Variants in LRPAP1 observed in about 807,000 individuals in gnomAD.
LRPAP1 encodes the protein LDL receptor related protein associated protein 1.
Under a neutral mutation model 39.9 loss-of-function variants are expected in LRPAP1, and 41 were observed. The ratio of observed to expected loss-of-function variants is 1.03; its 90% CI spans 0.80 to 1.33. The LOEUF (loss-of-function observed/expected upper bound fraction) is 1.33. LRPAP1 is among the 40% of genes most tolerant of loss of function. The probability of loss-of-function intolerance (pLI) is 0.00; values close to 1 mark genes in which losing one functional copy is unlikely to be tolerated. For synonymous variants in LRPAP1, 263 were observed against 212.7 expected, an observed-to-expected ratio of 1.24 and a Z score of -2.06; for missense variants, 565 against 482.3, an observed-to-expected ratio of 1.17 and a Z score of -1.61.
chr4:3,514,786 A>C lies in LRPAP1; in HGVS notation c.977T>G (p.Leu326Arg). 1.9e-6 allele frequency: 3 copies of C among 1,612,298 alleles called. No individual in the cohort carries two copies. In the South Asian group the frequency reaches 3.3e-5, roughly 18 times the overall value. Residue 326 changes from leucine to arginine, a missense_variant, in exon 7 of 8, where the codon CTG (leucine) becomes CGG (arginine). By Grantham distance (102) the Leu-to-Arg change is moderately radical (BLOSUM62 -2). Transcript: ENST00000650182. The part of the protein sequence containing the change: ...RVSRSREKHA[L>R]LEGRTKELGY... The stretch of plus-strand genomic sequence containing the variant: ...CAGCTCCTTGGTCCGCCCCTCCAGC[A>C]GGGCGTGCTTCTCGCGGCTGCGGCT...
chr4:3,514,784 G>C lies in LRPAP1; in HGVS notation c.979C>G (p.Leu327Val), dbSNP rs200159569. Residue 327 changes from leucine (L) to valine (V), a missense_variant, in exon 7 of 8, where the codon CTG becomes GTG. Physicochemically the swap from Leu to Val is conservative, Grantham distance 32. Coordinates refer to ENST00000650182, the MANE Select transcript of LRPAP1 (RefSeq NM_002337.4). ...VSRSREKHALLEGRTKELGYT... is the reference protein window; with the variant it reads ...VSRSREKHALVEGRTKELGYT... ...CCCAGCTCCTTGGTCCGCCCCTCCA[G>C]CAGGGCGTGCTTCTCGCGGCTGCGG... The C allele has an allele frequency of 8.8e-5, 142 of 1,611,866 alleles. No homozygotes were observed. The highest frequency in any genetic ancestry group is 1.1e-4 in the Non-Finnish European group (130 of 1,179,608).
chr4:3,517,900 T>C (rs1729769267), intron 5 of LRPAP1, 134 bp downstream of exon 5: 1 of 1,143,646 alleles, frequency 8.7e-7, no homozygotes, highest in African/African-American at 1.6e-5. Flanking sequence ...GTGGGTAGAC[T>C]GAGCGCGCCG....
At chr4:3,514,216 G>T (rs896167145) in intron 7 of LRPAP1, among the ~76,000 whole-genome samples, 1 of 152,202 alleles carries the variant, frequency 6.6e-6, no homozygotes, top group Admixed American at 6.5e-5. Flanking sequence ...TTTTGAATCG[G>T]TAACACATGC....
rs1373024457 is a variant in LRPAP1, at chr4:3,505,302, C to T, written c.*7672G>A. Among the ~76,000 whole-genome samples, 1 of 152,210 alleles carries T rather than the reference C, an allele frequency of 6.6e-6. No homozygotes were observed. The highest frequency in any genetic ancestry group is 1.5e-5 in the Non-Finnish European group (1 of 68,018). ...GGCATGGCACCCGGAGCACTGGAGC[C>T]CAATGCAGGGTGACCCCTTCCCCCC... On this transcript the variant is annotated 3_prime_UTR_variant, in exon 8 of 8. Coordinates refer to ENST00000650182, the MANE Select transcript of LRPAP1 (RefSeq NM_002337.4).
At position 3,512,236 on chromosome 4, in the gene LRPAP1, G is replaced by C. The variant is rs1412971484; in HGVS notation, c.*738C>G. The C allele has an allele frequency of 6.6e-6, 1 of 152,394 alleles. No individual in the cohort carries two copies. The highest frequency in any genetic ancestry group is 1.5e-5 in the Non-Finnish European group (1 of 68,148). 9.4% of individuals were successfully genotyped at this position (152,394 alleles called of 1,614,324 possible). On this transcript the variant is annotated 3_prime_UTR_variant, in exon 8 of 8. Transcript: ENST00000650182. The stretch of plus-strand genomic sequence containing the variant: ...TGGCTGTCTCTCCCCCATGAGATGG[G>C]GCATTTACACAGCACACTTAGGGAC...
chr4:3,515,003 C>T (rs1251703905), intron 6 of LRPAP1, 75 bp from the exon 7 acceptor site: 3 of 1,528,254 alleles, frequency 2.0e-6, no homozygotes, highest in Middle Eastern at 1.7e-4. Flanking sequence ...GGGTGAACTG[C>T]AAGGACGCCA....
intron 3 of LRPAP1, among the ~76,000 whole-genome samples, chr4:3,519,428 C>A (rs1241270375): frequency 6.6e-6 from 1 of 152,234 alleles, no homozygotes; most frequent in Non-Finnish European, 1.5e-5. Flanking sequence ...GGAGGCCACA[C>A]AGGGCCCTCT....
intron 7 of LRPAP1, 41 bp from the exon 8 acceptor site, chr4:3,513,077 T>C (rs1406637458): frequency 9.2e-6 from 14 of 1,516,860 alleles, no homozygotes; most frequent in Non-Finnish European, 1.2e-5. Context: ...ACAGCGCGCC[T>C]CGAGGCCAGC....
chr4:3,515,966 G>A (rs1421534262), intron 6 of LRPAP1, 150 bp downstream of exon 6: 5 of 743,290 alleles, frequency 6.7e-6, no homozygotes, highest in Admixed American at 5.2e-5. Flanking sequence ...GAAGGAAAAC[G>A]CAAGCAGGTT....
rs767514882 is a variant in LRPAP1, at chr4:3,518,210, G to C, written c.593-18C>G. On this transcript the variant is annotated intron_variant, in intron 4 of 7. Transcript: ENST00000650182. ...GTGGATTTCTGTAAAACCGAAGGCA[G>C]GACGCCATGAGGCTGGGAGTCCTCG... The C allele has an allele frequency of 4.4e-6, 7 of 1,602,882 alleles. No individual in the cohort carries two copies.
At position 3,506,837 on chromosome 4, in the gene LRPAP1, A is replaced by G. The variant is rs1255368142; in HGVS notation, c.*6137T>C. Reference sequence around the variant, plus strand: ...TTTGCTTTCCAAAAGATAACCATTAAGAAAGTAAAATAGCAAGCCAGAGGA... The same window carrying G: ...TTTGCTTTCCAAAAGATAACCATTAGGAAAGTAAAATAGCAAGCCAGAGGA... On this transcript the variant is annotated 3_prime_UTR_variant, in exon 8 of 8. Transcript: ENST00000650182. The G allele has an allele frequency of 6.6e-6, 1 of 152,270 alleles. No homozygotes were observed. The highest frequency in any genetic ancestry group is 1.5e-5 in the Non-Finnish European group (1 of 68,040). 9.4% of individuals were successfully genotyped at this position (152,270 alleles called of 1,614,324 possible).
chr4:3,532,023 T>C (rs564182389), intron 1 of LRPAP1, 186 bp downstream of exon 1: 132 of 664,764 alleles, frequency 2.0e-4, no homozygotes, highest in East Asian at 8.9e-5. Context: ...GTACCTTTCC[T>C]GCTGCAGAAG....
chr4:3,517,827 A>G (rs1365473887), intron 5 of LRPAP1: 4 of 527,638 alleles, frequency 7.6e-6, no homozygotes. Flanking sequence ...CTCCAGGTAC[A>G]AGGCTGGGGA....
chr4:3,516,997 C>T (rs1173487483), intron 5 of LRPAP1, among the ~76,000 whole-genome samples: 1 of 152,240 alleles, frequency 6.6e-6, no homozygotes, highest in African/African-American at 2.4e-5. Flanking sequence ...GCTGAGTCGC[C>T]CTTTCCTGCA....
intron 1 of LRPAP1, 103 bp downstream of exon 1, chr4:3,532,106 G>A (rs1176412073): frequency 1.7e-5 from 22 of 1,306,722 alleles, no homozygotes; most frequent in Admixed American, 2.3e-5. Flanking sequence ...CAGGTGCCCC[G>A]GCTGCGCCCC....
intron 3 of LRPAP1, 56 bp from the exon 4 acceptor site, chr4:3,519,047 C>G: frequency 6.3e-7 from 1 of 1,587,980 alleles, no homozygotes; most frequent in Admixed American, 1.7e-5. Context: ...TGGCCAGGGC[C>G]GCTCTTCAGC....
intron 4 of LRPAP1, 48 bp downstream of exon 4, chr4:3,518,823 C>T (rs1383609196): frequency 1.0e-6 from 1 of 953,428 alleles, no homozygotes; most frequent in East Asian, 4.8e-5. Context: ...GGGTGGGGGG[C>T]AGGAGGGGGT....
chr4:3,522,983 C>G (rs937491634), intron 2 of LRPAP1, among the ~76,000 whole-genome samples: 1 of 152,100 alleles, frequency 6.6e-6, no homozygotes, highest in African/African-American at 2.4e-5. Context: ...CAGAAGATGG[C>G]GGGGAACTGG....
chr4:3,519,903 A>G (rs1729852624), intron 3 of LRPAP1, among the ~76,000 whole-genome samples, 169 bp downstream of exon 3: 1 of 152,228 alleles, frequency 6.6e-6, no homozygotes. Flanking sequence ...AAAGCTGAAA[A>G]GATTCACAGA....
Sources: gnomAD v4.1 joint callset for allele counts (sites outside exome capture counted in the v4.1 genomes callset) on GRCh38, gnomAD v4.1.1 for gene constraint, MANE v1.5 for transcripts, NCBI Gene and HGNC (gene_info 2026-07-23, HGNC 2026-07-21) for gene names.